Variants in ITPR2 observed in about 807,000 individuals in gnomAD.
ITPR2 encodes the protein inositol 1,4,5-trisphosphate-gated calcium channel ITPR2.
In ITPR2, 207 loss-of-function variants were observed where a neutral mutation model predicts 317.1. The observed-to-expected ratio is 0.65, with a 90% confidence interval of 0.58 to 0.73. The LOEUF is 0.73. Ranked by LOEUF, ITPR2 falls within the 30% of genes least tolerant of loss-of-function variation. The probability of loss-of-function intolerance (pLI) is 0.00; values close to 1 mark genes in which losing one functional copy is unlikely to be tolerated. For synonymous variants in ITPR2, 1,156 were observed against 1,149.1 expected (o/e 1.01, Z -0.12); for missense variants, 2,613 against 3,284.0 (o/e 0.80, Z 4.99).
Position 26,724,708 on chromosome 12 carries a change from G to A in ITPR2, c.314C>T (p.Ser105Leu), listed in dbSNP as rs767122062. 45 of 1,605,992 alleles carry A rather than the reference G, an allele frequency of 2.8e-5. No individual in the cohort carries two copies. Among genetic ancestry groups the A allele is most frequent in the East Asian group, 2.2e-4 (10 of 44,670 alleles). Residue 105 changes from serine to leucine, a missense_variant, in exon 4 of 57, where the codon TCG becomes TTG. Ser to Leu is a moderately radical substitution (Grantham distance 145, BLOSUM62 -2). Transcript: ENST00000381340. ...TTCTCCCAACAGTTTCTTATTCTCC[G>A]ATTCATTTTGTTTTTGTTCCAGTTC... ...AAELEQKQNE[S>L]ENKKLLGEIV...
intron 55 of ITPR2, among the ~76,000 whole-genome samples, chr12:26,378,442 A>C (rs1005853971): frequency 6.6e-6 from 1 of 152,168 alleles, no homozygotes; most frequent in African/African-American, 2.4e-5. Flanking sequence ...GGATGAAATG[A>C]GACTGGTAAT....
intron 2 of ITPR2, among the ~76,000 whole-genome samples, chr12:26,752,819 T>C (rs1949449744): frequency 1.3e-5 from 2 of 151,816 alleles, no homozygotes; most frequent in African/African-American, 2.4e-5. Context: ...GGGACTAGAG[T>C]GAGGAAACCC....
intron 15 of ITPR2, among the ~76,000 whole-genome samples, chr12:26,663,462 G>C (rs1356959542): frequency 6.6e-6 from 1 of 152,124 alleles, no homozygotes. Flanking sequence ...TTAGTACTCA[G>C]GACATCCTCC....
chr12:26,574,083 G>A (rs1945222267), intron 34 of ITPR2, among the ~76,000 whole-genome samples: 1 of 152,048 alleles, frequency 6.6e-6, no homozygotes, highest in Admixed American at 6.6e-5. Context: ...TAAACAAAAG[G>A]GAAGAATCCA....
At chr12:26,413,866 A>G (rs911749940) in intron 51 of ITPR2, among the ~76,000 whole-genome samples, 4 of 152,192 alleles carry the variant, frequency 2.6e-5, no homozygotes, top group African/African-American at 9.7e-5. Context: ...TTACTTTTTA[A>G]ATAGCACAAA....
intron 13 of ITPR2, among the ~76,000 whole-genome samples, chr12:26,669,979 G>A (rs936139663): frequency 9.2e-5 from 14 of 152,340 alleles, no homozygotes; most frequent in South Asian, 8.3e-4. Context: ...ACTGCAAGGC[G>A]GCAGCGAGGC....
chr12:26,424,900 C>G (rs370000894), intron 49 of ITPR2, among the ~76,000 whole-genome samples: 1 of 151,944 alleles, frequency 6.6e-6, no homozygotes, highest in South Asian at 2.1e-4. Context: ...GCTGGGACTA[C>G]AGGTACGCAC....
Position 26,734,395 on chromosome 12 carries a change from G to T in ITPR2, c.164-8630C>A, listed in dbSNP as rs570232270. 1.4e-4 allele frequency among the ~76,000 whole-genome samples: 22 copies of T among 152,182 alleles called. 1 individual carries two copies. The South Asian group carries it at 3.7e-3, about 26-fold the overall frequency. Reference sequence around the variant, plus strand: ...ATTCCTTGCTGAAATTATCCTACAAGGGCCCAAAAATGTGTTAAAAGAGAC... The same window carrying T: ...ATTCCTTGCTGAAATTATCCTACAATGGCCCAAAAATGTGTTAAAAGAGAC... On this transcript the variant is annotated intron_variant, in intron 2 of 56. Coordinates refer to ENST00000381340, the MANE Select transcript of ITPR2 (RefSeq NM_002223.4).
In ITPR2 at chr12:26,430,546, G is replaced by A. The variant is rs942553332; in HGVS notation, c.6770-2458C>T. On this transcript the variant is annotated intron_variant, in intron 48 of 56. Transcript: ENST00000381340. The stretch of plus-strand genomic sequence containing the variant: ...CCCAAAGTGCTGGGATTACGGGCAT[G>A]AGCCACCTCGCTGAGCTGACAGTAC... Among the ~76,000 whole-genome samples the A allele has an allele frequency of 2.0e-5, 3 of 152,200 alleles. No homozygotes were observed. In the East Asian group the frequency reaches 5.8e-4, roughly 29 times the overall value.
chr12:26,556,048 C>T (rs914119944), intron 36 of ITPR2, among the ~76,000 whole-genome samples, 185 bp downstream of exon 36: 2 of 152,128 alleles, frequency 1.3e-5, no homozygotes, highest in African/African-American at 2.4e-5. Flanking sequence ...GATAACTTGA[C>T]CTTCACCAAA....
chr12:26,663,879 T>A, intron 14 of ITPR2, 33 bp from the exon 15 acceptor site: 1 of 1,543,986 alleles, frequency 6.5e-7, no homozygotes, highest in East Asian at 2.3e-5. Context: ...CCTATTCTGA[T>A]GAATAAAATG....
At chr12:26,511,849 T>C (rs956658024) in intron 37 of ITPR2, among the ~76,000 whole-genome samples, 10 of 152,188 alleles carry the variant, frequency 6.6e-5, no homozygotes, top group African/African-American at 2.4e-4. Flanking sequence ...GTCTAAGCCA[T>C]CTCTGTCCAC....
At chr12:26,513,972 T>C (rs1943427179) in intron 37 of ITPR2, among the ~76,000 whole-genome samples, 1 of 152,228 alleles carries the variant, frequency 6.6e-6, no homozygotes, top group Non-Finnish European at 1.5e-5. Flanking sequence ...TTTGAACTTC[T>C]GAAAATATTT....
chr12:26,618,478 T>C (rs1008100710), intron 26 of ITPR2, among the ~76,000 whole-genome samples: 1 of 152,088 alleles, frequency 6.6e-6, no homozygotes, highest in East Asian at 1.9e-4. Context: ...AAAATGAAAA[T>C]CACAGCGGAG....
intron 34 of ITPR2, among the ~76,000 whole-genome samples, chr12:26,575,406 C>T (rs953403027): frequency 2.6e-5 from 4 of 151,696 alleles, no homozygotes; most frequent in African/African-American, 9.7e-5. Flanking sequence ...AATGAGGCCA[C>T]GATGCGGGGA....
rs1372858413 is a variant in ITPR2 at position 26,336,978 on chromosome 12, C to CTT, written c.*2418_*2419insAA. 8.2e-5 allele frequency: 2 copies of CTT among 24,264 alleles called. No individual in the cohort carries two copies. The highest frequency in any genetic ancestry group is 1.1e-4 in the Non-Finnish European group (1 of 9,366). The allele number at this position is 24,264 out of a possible 1,614,324, so 1.5% of individuals were successfully genotyped here. A position where few individuals can be genotyped will look rare whatever the true frequency, so the allele number is the denominator to read the frequency against. ...TTTTGTCTGCTTCGATTTTTTGTTG[C>CTT]TGTTTTTTTTTTTTTTGCTTTATAA... On this transcript the variant is annotated 3_prime_UTR_variant, in exon 57 of 57. Coordinates refer to ENST00000381340, the MANE Select transcript of ITPR2 (RefSeq NM_002223.4).
chr12:26,632,152 G>T, intron 21 of ITPR2, 93 bp from the exon 22 acceptor site: 1 of 925,194 alleles, frequency 1.1e-6, no homozygotes. Context: ...CTGAAAAGCA[G>T]CCAGGAAAAG....
intron 21 of ITPR2, among the ~76,000 whole-genome samples, chr12:26,646,291 G>A (rs1163602401): frequency 6.6e-6 from 1 of 150,632 alleles, no homozygotes; most frequent in Non-Finnish European, 1.5e-5. Flanking sequence ...TTTTTTGTCT[G>A]CAAATATTTT....
At chr12:26,564,040 A>G (rs1332977433) in intron 34 of ITPR2, among the ~76,000 whole-genome samples, 2 of 152,228 alleles carry the variant, frequency 1.3e-5, no homozygotes, top group Non-Finnish European at 2.9e-5. Context: ...ACTGCATCCA[A>G]AAAATTAGAA....
Sources: gnomAD v4.1 joint callset for allele counts (sites outside exome capture counted in the v4.1 genomes callset) on GRCh38, gnomAD v4.1.1 for gene constraint, MANE v1.5 for transcripts, NCBI Gene and HGNC (gene_info 2026-07-23, HGNC 2026-07-21) for gene names.